NRF1: variants seen among roughly 807,000 people sequenced by gnomAD.
NRF1 encodes the protein nuclear respiratory factor 1, also known as alpha palindromic-binding protein.
A neutral mutation model predicts 58.5 loss-of-function variants in NRF1; 5 were observed. That is an observed-to-expected ratio of 0.09 (90% CI 0.04 to 0.18). NRF1 has a LOEUF of 0.18. Among genes scored for constraint, NRF1 ranks in the 10% least tolerant of loss-of-function variants. The pLI is 1.00. For synonymous variants in NRF1, 224 were observed against 246.7 expected (o/e 0.91, Z 0.86); for missense variants, 288 against 657.7 (o/e 0.44, Z 6.15).
intron 1 of NRF1, among the ~76,000 whole-genome samples, chr7:129,629,906 A>C (rs999761087): frequency 2.6e-5 from 4 of 152,194 alleles, no homozygotes; most frequent in Non-Finnish European, 5.9e-5. Context: ...CATAAGTGTA[A>C]ATATAAATGC....
intron 10 of NRF1, among the ~76,000 whole-genome samples, chr7:129,732,051 T>TTCCAGGACTCCTGACC (rs1286816780): frequency 3.3e-5 from 5 of 152,204 alleles, no homozygotes; most frequent in Admixed American, 2.0e-4. Context: ...ACCCCCTGTG[T>TTCCAGGACTCCTGACC]TCCAGGACTC....
chr7:129,634,046 A>T (rs868692509), intron 1 of NRF1, among the ~76,000 whole-genome samples: 119 of 114,142 alleles, frequency 1.0e-3, no homozygotes, highest in African/African-American at 4.9e-3. Context: ...AAAAAAAGAT[A>T]TATATATATA....
chr7:129,639,636 C>T (rs1159457056), intron 1 of NRF1, among the ~76,000 whole-genome samples: 1 of 151,150 alleles, frequency 6.6e-6, no homozygotes, highest in Non-Finnish European at 1.5e-5. Context: ...CAACCTCCAC[C>T]TCCTGGGTTC....
In NRF1 at chr7:129,636,989, C is replaced by A. The variant is rs547983061; in HGVS notation, c.-6-20357C>A. On this transcript the variant is annotated intron_variant, in intron 1 of 10. Transcript: ENST00000393232. Reference sequence around the variant, plus strand: ...GGCCCCAGTTACTGTGTCTATAATGCCTAGTAAGTAAAATGACCCACAGAC... The same window carrying A: ...GGCCCCAGTTACTGTGTCTATAATGACTAGTAAGTAAAATGACCCACAGAC... Among the ~76,000 whole-genome samples, 10 of 152,086 alleles carry A rather than the reference C, an allele frequency of 6.6e-5. No individual in the cohort carries two copies. The South Asian group carries it at 1.5e-3, about 22-fold the overall frequency.
intron 9 of NRF1, among the ~76,000 whole-genome samples, chr7:129,719,680 CA>C (rs1294572461): frequency 1.3e-5 from 2 of 152,058 alleles, no homozygotes; most frequent in African/African-American, 4.8e-5. Context: ...TGTTGCTTTT[CA>C]GTAACATGAA....
At chr7:129,674,530 G>A (rs891727532) in intron 3 of NRF1, among the ~76,000 whole-genome samples, 1 of 152,102 alleles carries the variant, frequency 6.6e-6, no homozygotes, top group Admixed American at 6.5e-5. Context: ...AATCTCCTGG[G>A]CTCAAGTGAT....
At chr7:129,658,903 G>T (rs1801720972) in intron 2 of NRF1, among the ~76,000 whole-genome samples, 1 of 151,974 alleles carries the variant, frequency 6.6e-6, no homozygotes, top group African/African-American at 2.4e-5. Flanking sequence ...ACTGTATTAG[G>T]TATTATAATA....
intron 10 of NRF1, among the ~76,000 whole-genome samples, chr7:129,738,865 T>C (rs1030796963): frequency 8.5e-5 from 13 of 152,240 alleles, no homozygotes; most frequent in Non-Finnish European, 1.9e-4. Context: ...CTCTTTCTAC[T>C]GCCCAATGAA....
At chr7:129,744,069 C>T (rs555765475) in intron 10 of NRF1, 4 of 1,043,930 alleles carry the variant, frequency 3.8e-6, no homozygotes, top group South Asian at 3.1e-5. Flanking sequence ...GCACCCTGCA[C>T]CAGATGTGCA....
intron 5 of NRF1, among the ~76,000 whole-genome samples, chr7:129,705,865 CT>C (rs1479695844): frequency 1.3e-5 from 2 of 152,220 alleles, no homozygotes; most frequent in East Asian, 3.9e-4. Flanking sequence ...CCCTTGAGCC[CT>C]GGAGGTTGAG....
intron 4 of NRF1, among the ~76,000 whole-genome samples, chr7:129,686,869 A>G (rs138961627): frequency 2.0e-5 from 3 of 152,358 alleles, no homozygotes; most frequent in Admixed American, 6.5e-5. Flanking sequence ...CCTGTATTTT[A>G]TCTCATCTGT....
intron 1 of NRF1, chr7:129,633,583 A>C (rs1249787677): frequency 1.3e-5 from 2 of 152,192 alleles, no homozygotes; most frequent in Non-Finnish European, 2.9e-5. Context: ...CAAGAGCTCC[A>C]CCAAACTTTT....
At chr7:129,658,274 G>A (rs1351863516) in intron 2 of NRF1, among the ~76,000 whole-genome samples, 1 of 152,024 alleles carries the variant, frequency 6.6e-6, no homozygotes, top group African/African-American at 2.4e-5. Flanking sequence ...TGTAGAAATT[G>A]TAACATACAT....
intron 1 of NRF1, among the ~76,000 whole-genome samples, chr7:129,647,466 G>T (rs1294947149): frequency 2.0e-5 from 3 of 149,228 alleles, no homozygotes; most frequent in Non-Finnish European, 4.4e-5. Context: ...GCAGTGGTGC[G>T]ATCTTTGCTC....
At chr7:129,700,056 G>A (rs896646627) in intron 5 of NRF1, among the ~76,000 whole-genome samples, 1 of 151,316 alleles carries the variant, frequency 6.6e-6, no homozygotes, top group Non-Finnish European at 1.5e-5. Context: ...CAGGAGAATC[G>A]CTTGAACCTA....
intron 1 of NRF1, among the ~76,000 whole-genome samples, chr7:129,620,633 G>A (rs1482411439): frequency 1.3e-5 from 2 of 152,084 alleles, no homozygotes; most frequent in East Asian, 1.9e-4. Flanking sequence ...TGATCCGCCC[G>A]CCTTGGCCTC....
At chr7:129,682,630 T>TAA (rs771494622) in intron 4 of NRF1, among the ~76,000 whole-genome samples, 10 of 87,864 alleles carry the variant, frequency 1.1e-4, no homozygotes, top group South Asian at 3.8e-4. Context: ...CAAAAAAATG[T>TAA]AAAAAAAAAA....
intron 2 of NRF1, among the ~76,000 whole-genome samples, chr7:129,665,352 C>T (rs1387219527): frequency 1.3e-5 from 2 of 152,114 alleles, no homozygotes; most frequent in Non-Finnish European, 2.9e-5. Flanking sequence ...ACTTAACCAG[C>T]GTGGGGATTT....
At position 129,754,464 on chromosome 7, in the gene NRF1, T is replaced by TAAAA. The variant is rs57595268; in HGVS notation, c.1349-538_1349-535dup. 1.4e-3 allele frequency among the ~76,000 whole-genome samples: 71 copies of TAAAA among 51,206 alleles called. 5 individuals carry two copies. Among genetic ancestry groups the TAAAA allele is most frequent in the African/African-American group, 5.3e-3 (55 of 10,470 alleles). 33.6% of individuals were successfully genotyped at this position (51,206 alleles called of 152,430 possible). On this transcript the variant is annotated intron_variant, in intron 10 of 10. Coordinates refer to ENST00000393232, the MANE Select transcript of NRF1 (RefSeq NM_005011.5). Reference sequence around the variant, plus strand: ...GGCTACAGAGCCAGACCCTGTCTCTTAAAAAAAAAAAAAAAAAAAGTTAAA... The same window carrying TAAAA: ...GGCTACAGAGCCAGACCCTGTCTCTTAAAAAAAAAAAAAAAAAAAAAAAGTTAAA...
Sources: allele counts gnomAD v4.1 joint callset (sites outside exome capture counted in the v4.1 genomes callset), GRCh38; gene constraint gnomAD v4.1.1; transcripts MANE v1.5; gene names NCBI Gene and HGNC (gene_info 2026-07-23, HGNC 2026-07-21).